Variants in MYH14 observed in about 807,000 individuals in gnomAD.
The protein encoded by MYH14 is myosin-14.
A neutral mutation model predicts 255.5 loss-of-function variants in MYH14; 123 were observed. That is an observed-to-expected ratio of 0.48 (90% CI 0.42 to 0.56). MYH14 has a LOEUF of 0.56. Among genes scored for constraint, MYH14 ranks in the 20% least tolerant of loss-of-function variants. The pLI is 0.00. For synonymous variants in MYH14, 1,095 were observed against 1,161.2 expected, an observed-to-expected ratio of 0.94 and a Z score of 1.16; for missense variants, 2,423 against 2,802.3, an observed-to-expected ratio of 0.86 and a Z score of 3.06.
Position 50,301,710 on chromosome 19 carries a change from A to G in MYH14, c.5519A>G (p.Lys1840Arg), listed in dbSNP as rs1294812112. ...TCAGCTGAGCGCAGTTTCTCAGCCAAGGCAGAGAGCGGGCGGCAGCAGCTG... is the reference window on the plus strand; with the variant it reads ...TCAGCTGAGCGCAGTTTCTCAGCCAGGGCAGAGAGCGGGCGGCAGCAGCTG... ...ELSAERSFSA[K>R]AESGRQQLER... The change falls in exon 40 of 43, where the codon AAG becomes AGG. Residue 1840 changes from lysine (K) to arginine (R), a missense_variant. This residue lies in a region of MYH14 where 1,513 missense variants were observed against 1,674.8 expected (regional missense o/e 0.90). Coordinates refer to ENST00000642316, the MANE Select transcript of MYH14 (RefSeq NM_001145809.2). The G allele has an allele frequency of 2.5e-6, 4 of 1,613,774 alleles. No individual in the cohort carries two copies. In the South Asian group the frequency reaches 4.4e-5, roughly 18 times the overall value.
At chr19:50,246,951 C>A in intron 11 of MYH14, 53 bp from the exon 12 acceptor site, 3 of 1,313,542 alleles carry the variant, frequency 2.3e-6, no homozygotes, top group East Asian at 2.5e-5. Flanking sequence ...CCTTGCTGGG[C>A]AGCAAGCACC....
chr19:50,264,349 C>A (rs2035005816), intron 22 of MYH14, among the ~76,000 whole-genome samples: 1 of 152,206 alleles, frequency 6.6e-6, no homozygotes, highest in Non-Finnish European at 1.5e-5. Context: ...CAGAGTCAAA[C>A]TGATGCCATG....
At chr19:50,249,480 C>T (rs2034273114) in intron 13 of MYH14, 170 bp from the exon 14 acceptor site, 1 of 753,748 alleles carries the variant, frequency 1.3e-6, no homozygotes, top group South Asian at 1.8e-5. Flanking sequence ...CTGGCTCTGT[C>T]CCCTGTCTCT....
rs374523705 is a variant in MYH14 at position 50,280,019 on chromosome 19, C to T, written c.4033-18C>T. The T allele has an allele frequency of 2.5e-6, 4 of 1,586,330 alleles. No individual in the cohort carries two copies. The African/African-American group carries it at 5.4e-5, about 21-fold the overall frequency. ...GAAGCCACGATTGGAGGGCTTCATT[C>T]CCGTCCCTTCCCTGCAGGCTGAACT... On this transcript the variant is annotated intron_variant, in intron 30 of 42. Transcript: ENST00000642316. This position sits in a 1 kb window ranked among gnomAD's most constrained non-coding sequence, Gnocchi z 4.8.
chr19:50,269,681 A>G (rs1031628344), intron 24 of MYH14, among the ~76,000 whole-genome samples: 24 of 152,164 alleles, frequency 1.6e-4, no homozygotes, highest in African/African-American at 5.8e-4. Context: ...GCTTTGTCAC[A>G]ACAACAGGTG....
Position 50,268,263 on chromosome 19 carries a change from G to A in MYH14, c.2929G>A (p.Glu977Lys). Reference protein sequence around the residue: ...TRGRLAARKQELELVVSELEA... With the variant: ...TRGRLAARKQKLELVVSELEA... ...GGGGAGGCTGGCAGCCCGCAAGCAG[G>A]AGCTGGAGCTGGTGGTGTCAGAGCT... The change falls in exon 24 of 43, where the codon GAG becomes AAG. Residue 977 changes from glutamate to lysine, a missense_variant. This residue lies in a region of MYH14 where 1,513 missense variants were observed against 1,674.8 expected (regional missense o/e 0.90). Transcript: ENST00000642316. The A allele has an allele frequency of 6.3e-7, 1 of 1,576,550 alleles. No individual in the cohort carries two copies. Among genetic ancestry groups the A allele is most frequent in the Non-Finnish European group, 8.6e-7 (1 of 1,161,886 alleles).
intron 39 of MYH14, among the ~76,000 whole-genome samples, chr19:50,300,784 G>A (rs2036453377): frequency 6.6e-6 from 1 of 152,100 alleles, no homozygotes; most frequent in South Asian, 2.1e-4. Flanking sequence ...ATTAGCAGGG[G>A]TGATGGTGTA....
chr19:50,277,935 T>C lies in MYH14; in HGVS notation c.3826-148T>C, dbSNP rs530043096. 1.2e-5 allele frequency: 6 copies of C among 503,222 alleles called. No homozygotes were observed. The African/African-American group carries it at 1.2e-4, about 10-fold the overall frequency. The allele number at this position is 503,222 out of a possible 1,614,324, so 31.2% of individuals were successfully genotyped here. ...ACTGTCTCAAAAAAAAAAAAAAAAT[T>C]GGGAGTGAGGGGTGAGCTATTTGTT... is the stretch of plus-strand genomic sequence containing the variant. On this transcript the variant is annotated intron_variant, in intron 29 of 42. Transcript: ENST00000642316.
At chr19:50,289,361 TC>T (rs2035990151) in intron 34 of MYH14, 74 bp from the exon 35 acceptor site, 2 of 1,211,136 alleles carry the variant, frequency 1.7e-6, no homozygotes, top group African/African-American at 1.5e-5. Context: ...CATCAAATCT[TC>T]CCCTACTCTA....
At chr19:50,268,701 G>A (rs532994296) in intron 24 of MYH14, among the ~76,000 whole-genome samples, 8 of 151,016 alleles carry the variant, frequency 5.3e-5, no homozygotes, top group Admixed American at 1.3e-4. Context: ...GGATCCAGGC[G>A]CCTAAGTGAT....
intron 22 of MYH14, among the ~76,000 whole-genome samples, chr19:50,265,608 G>A (rs1321788715): frequency 1.3e-5 from 2 of 152,020 alleles, no homozygotes; most frequent in Non-Finnish European, 2.9e-5. Flanking sequence ...ATCACTTCAG[G>A]TCAGGGGTTT....
chr19:50,304,985 A>C (rs1271816600), intron 40 of MYH14, among the ~76,000 whole-genome samples: 1 of 152,026 alleles, frequency 6.6e-6, no homozygotes, highest in African/African-American at 2.4e-5. Flanking sequence ...GGGACCCAGG[A>C]GAGGGATCAG....
chr19:50,298,291 G>C (rs927373572), intron 39 of MYH14, among the ~76,000 whole-genome samples: 5 of 152,120 alleles, frequency 3.3e-5, no homozygotes, highest in Non-Finnish European at 5.9e-5. Flanking sequence ...AGGTGAAAGA[G>C]GGGGCAGGAG....
intron 39 of MYH14, among the ~76,000 whole-genome samples, chr19:50,298,605 G>A (rs1159838466): frequency 6.6e-6 from 1 of 151,832 alleles, no homozygotes; most frequent in East Asian, 1.9e-4. Flanking sequence ...ACAAAAATTA[G>A]CCAGGCGTGG....
intron 39 of MYH14, among the ~76,000 whole-genome samples, chr19:50,295,572 T>G (rs1364736014): frequency 1.3e-5 from 2 of 151,980 alleles, no homozygotes; most frequent in Admixed American, 1.3e-4. Flanking sequence ...GGTGGATTGC[T>G]TTTAGCGTAG....
rs907285889 is a variant in MYH14 at position 50,230,637 on chromosome 19, C to T, written c.973+14C>T. 8 of 1,553,186 alleles carry T rather than the reference C, an allele frequency of 5.2e-6. No individual in the cohort carries two copies. Among genetic ancestry groups the T allele is most frequent in the Non-Finnish European group, 7.0e-6 (8 of 1,147,866 alleles). ...AGCAGCTCAAAGGTCAGTGCCGCCC[C>T]GTCCTACCCTGCTCACCCGGGAGAG... On this transcript the variant is annotated intron_variant, in intron 9 of 42. Coordinates refer to ENST00000642316, the MANE Select transcript of MYH14 (RefSeq NM_001145809.2). The surrounding 1 kb of genome is among the most constrained non-coding windows in gnomAD (Gnocchi z 4.7).
rs1407552385 is a variant in MYH14 at position 50,276,737 on chromosome 19, TCTC to T, written c.3681-17_3681-15del. ...CCTCTGCTCTGAAATTCCCATCCTCTCTCCTTTCCCCCAATAAAGGTCCAAGAG... is the reference window on the plus strand; with the variant it reads ...CCTCTGCTCTGAAATTCCCATCCTCTCTTTCCCCCAATAAAGGTCCAAGAG... On this transcript the variant is annotated splice_polypyrimidine_tract_variant and intron_variant, in intron 28 of 42. Transcript: ENST00000642316. The surrounding 1 kb of genome is among the most constrained non-coding windows in gnomAD (Gnocchi z 4.3). 1 of 1,612,872 alleles carries T rather than the reference TCTC, an allele frequency of 6.2e-7. No individual in the cohort carries two copies. The highest frequency in any genetic ancestry group is 8.5e-7 in the Non-Finnish European group (1 of 1,179,774).
In MYH14 at chr19:50,230,684, G is replaced by T; in HGVS notation, c.973+61G>T. The T allele has an allele frequency of 6.8e-7, 1 of 1,473,274 alleles. No homozygotes were observed. Among genetic ancestry groups the T allele is most frequent in the Non-Finnish European group, 9.2e-7 (1 of 1,082,240 alleles). The allele number at this position is 1,473,274 out of a possible 1,614,324, so 91.3% of individuals were successfully genotyped here. On this transcript the variant is annotated intron_variant, in intron 9 of 42. Transcript: ENST00000642316. This position sits in a 1 kb window ranked among gnomAD's most constrained non-coding sequence, Gnocchi z 4.7. The stretch of plus-strand genomic sequence containing the variant: ...AGAGGGTGGGCACCATGTCTCTCGG[G>T]GGCCCCTTCTGGGGAGGAAGCAAGA...
At position 50,271,870 on chromosome 19, in the gene MYH14, C is replaced by T. The variant is rs747770727; in HGVS notation, c.3193C>T (p.Arg1065Cys). 7 of 1,613,296 alleles carry T rather than the reference C, an allele frequency of 4.3e-6. No homozygotes were observed. Among genetic ancestry groups the T allele is most frequent in the South Asian group, 1.1e-5 (1 of 90,934 alleles). Residue 1065 changes from arginine to cysteine, a missense_variant, in exon 26 of 43, where the codon CGT (arginine) becomes TGT (cysteine). Around this residue, in one of 3 missense-constraint regions of MYH14, gnomAD observed 1,513 missense variants for 1,674.8 expected, o/e 0.90. Transcript: ENST00000642316. ...LSKERKLLED[R>C]LAEFSSQAAE... ...TCAGGAGCGGAAGCTGCTGGAAGATCGTCTGGCCGAGTTCTCATCCCAGGC... is the reference window on the plus strand; with the variant it reads ...TCAGGAGCGGAAGCTGCTGGAAGATTGTCTGGCCGAGTTCTCATCCCAGGC...
Sources: gnomAD v4.1 joint callset for allele counts (sites outside exome capture counted in the v4.1 genomes callset) on GRCh38, gnomAD v4.1.1 for gene constraint, gnomAD v4.1.1 regional missense constraint, Gnocchi (gnomAD v3.1) non-coding constraint, MANE v1.5 for transcripts, NCBI Gene and HGNC (gene_info 2026-07-23, HGNC 2026-07-21) for gene names.